Variants in CCDC138 observed in about 807,000 individuals in gnomAD.
CCDC138 encodes coiled-coil domain-containing protein 138.
A neutral mutation model predicts 82.3 loss-of-function variants in CCDC138; 66 were observed. The ratio of observed to expected loss-of-function variants is 0.80; its 90% confidence interval spans 0.66 to 0.98. The LOEUF is 0.98. Ranked by LOEUF, CCDC138 falls within the 50% of genes least tolerant of loss-of-function variation. CCDC138 has a pLI of 0.00. For synonymous variants in CCDC138, 297 were observed against 265.4 expected (o/e 1.12, Z -1.16); for missense variants, 816 against 758.9 (o/e 1.08, Z -0.88).
intron 11 of CCDC138, among the ~76,000 whole-genome samples, chr2:108,841,981 C>T (rs1241290943): frequency 6.6e-6 from 1 of 152,084 alleles, no homozygotes; most frequent in Non-Finnish European, 1.5e-5. Context: ...GAGTACCCCT[C>T]CAATGATTAG....
In CCDC138 at chr2:108,806,071, A is replaced by G. The variant is rs1190863763; in HGVS notation, c.855+1063A>G. On this transcript the variant is annotated intron_variant, in intron 7 of 14. Coordinates refer to ENST00000295124, the MANE Select transcript of CCDC138 (RefSeq NM_144978.3). ...CTGCTTTTGTTTCCCTTTAATCTCT[A>G]CTTGTTGTGATCCTCCTCCTTGGCA... 2.0e-5 allele frequency among the ~76,000 whole-genome samples: 3 copies of G among 151,918 alleles called. No individual in the cohort carries two copies. In the East Asian group the frequency reaches 5.8e-4, roughly 29 times the overall value.
chr2:108,833,889 G>A (rs181118912), intron 10 of CCDC138, among the ~76,000 whole-genome samples: 1,955 of 126,100 alleles, frequency 0.016, 53 homozygotes, highest in South Asian at 0.096. Context: ...TACCACGCCC[G>A]GCTAATTTTT....
intron 2 of CCDC138, chr2:108,884,076 A>G (rs1019325636): frequency 6.6e-6 from 1 of 152,202 alleles, no homozygotes; most frequent in African/African-American, 2.4e-5. Flanking sequence ...GCTAATTTTT[A>G]AAATATTTGT....
At chr2:108,872,216 C>T (rs185273263) in intron 13 of CCDC138, among the ~76,000 whole-genome samples, 241 of 152,002 alleles carry the variant, frequency 1.6e-3, no homozygotes, top group Admixed American at 4.0e-3. Flanking sequence ...ATTTTCTCTT[C>T]TTCCCTCCTT....
intron 13 of CCDC138, among the ~76,000 whole-genome samples, chr2:108,872,181 G>A (rs1402135539): frequency 1.3e-5 from 2 of 151,910 alleles, no homozygotes; most frequent in African/African-American, 2.4e-5. Flanking sequence ...TTGTTGCCTC[G>A]GAGAATTCAG....
In CCDC138 at chr2:108,794,599, G is replaced by A. The variant is rs1038190213; in HGVS notation, c.454G>A (p.Gly152Ser). The change falls in exon 5 of 15, where the codon GGT (glycine) becomes AGT (serine). Residue 152 changes from glycine (G) to serine (S), a missense_variant. Gly to Ser is a moderately conservative substitution (Grantham distance 56, BLOSUM62 0). Coordinates refer to ENST00000295124, the MANE Select transcript of CCDC138 (RefSeq NM_144978.3). ...TCGGACTGAGTGTTGTAGTGATGCAGGTGACTCTCCTTTGAAACCTGTCAG... is the reference window on the plus strand; with the variant it reads ...TCGGACTGAGTGTTGTAGTGATGCAAGTGACTCTCCTTTGAAACCTGTCAG... Reference protein sequence around the residue: ...RPRTECCSDAGDSPLKPVSCP... With the variant: ...RPRTECCSDASDSPLKPVSCP... The A allele has an allele frequency of 1.9e-6, 3 of 1,613,948 alleles. No homozygotes were observed. Among genetic ancestry groups the A allele is most frequent in the Non-Finnish European group, 2.5e-6 (3 of 1,180,004 alleles).
chr2:108,854,512 C>T (rs966010548), intron 12 of CCDC138, among the ~76,000 whole-genome samples: 4 of 152,124 alleles, frequency 2.6e-5, no homozygotes, highest in African/African-American at 9.7e-5. Flanking sequence ...GACATTATTA[C>T]TTATTATAAA....
At position 108,846,797 on chromosome 2, in the gene CCDC138, A is replaced by T. The variant is rs748063557; in HGVS notation, c.1383A>T (p.Val461=). The T allele has an allele frequency of 4.3e-6, 7 of 1,612,652 alleles. No homozygotes were observed. In the Admixed American group the frequency reaches 1.2e-4, roughly 27 times the overall value. Reference sequence around the variant, plus strand: ...GTGAAGACATTTTTAAAGGAGTGGTAACTAAAGGAATTCAGGATAATTCTC... The same window carrying T: ...GTGAAGACATTTTTAAAGGAGTGGTTACTAAAGGAATTCAGGATAATTCTC... ...RLGEDIFKGV[V]TKGIQDNSPQ... The change falls in exon 12 of 15, where the codon GTA becomes GTT. Residue 461 remains valine, a synonymous_variant. Coordinates refer to ENST00000295124, the MANE Select transcript of CCDC138 (RefSeq NM_144978.3).
downstream of CCDC138, among the ~76,000 whole-genome samples, chr2:108,881,450 G>C (rs969320771): frequency 6.6e-6 from 1 of 152,224 alleles, no homozygotes; most frequent in Admixed American, 6.5e-5. Context: ...TAAGGCTGCT[G>C]TGTTTTCTTA....
intron 11 of CCDC138, among the ~76,000 whole-genome samples, chr2:108,840,732 T>G (rs564614313): frequency 6.6e-6 from 1 of 152,288 alleles, no homozygotes; most frequent in South Asian, 2.1e-4. Context: ...TTGCTAGAAG[T>G]TTCTCTGTTT....
At chr2:108,815,914 A>G in intron 9 of CCDC138, 27 bp from the exon 10 acceptor site, 1 of 1,570,904 alleles carries the variant, frequency 6.4e-7, no homozygotes, top group Non-Finnish European at 8.6e-7. Context: ...GTGAACTGAA[A>G]TAAATGATTT....
At position 108,843,870 on chromosome 2, in the gene CCDC138, G is replaced by T. The variant is rs62153593; in HGVS notation, c.1324-2868G>T. On this transcript the variant is annotated intron_variant, in intron 11 of 14. Transcript: ENST00000295124. Reference sequence around the variant, plus strand: ...TGTGTGTGTGTGTGTGTGTGTGTGTGTGTGTGTGTTTCTTTCTTTTTTTTT... The same window carrying T: ...TGTGTGTGTGTGTGTGTGTGTGTGTTTGTGTGTGTTTCTTTCTTTTTTTTT... 2.5e-4 allele frequency among the ~76,000 whole-genome samples: 4 copies of T among 16,066 alleles called. 1 individual carries two copies. Among genetic ancestry groups the T allele is most frequent in the Admixed American group, 2.0e-3 (1 of 508 alleles). The allele number at this position is 16,066 out of a possible 152,430, so 10.5% of individuals were successfully genotyped here. A position where few individuals can be genotyped will look rare whatever the true frequency, so the allele number is the denominator to read the frequency against.
At chr2:108,789,032 A>C (rs1679457430) in intron 3 of CCDC138, 66 bp downstream of exon 3, 1 of 1,559,484 alleles carries the variant, frequency 6.4e-7, no homozygotes, top group Non-Finnish European at 8.8e-7. Flanking sequence ...GAAAGAGAAA[A>C]GGGCAGGTTA....
At chr2:108,856,093 C>CT (rs1463663408) in intron 12 of CCDC138, among the ~76,000 whole-genome samples, 1 of 152,174 alleles carries the variant, frequency 6.6e-6, no homozygotes, top group African/African-American at 2.4e-5. Flanking sequence ...TATCTTACTA[C>CT]TTCATTTGCA....
chr2:108,850,418 A>T (rs1172520459), intron 12 of CCDC138, among the ~76,000 whole-genome samples: 1 of 152,182 alleles, frequency 6.6e-6, no homozygotes, highest in Non-Finnish European at 1.5e-5. Context: ...TATAAGAATC[A>T]GCATATATAA....
chr2:108,826,898 G>C (rs543912755), intron 10 of CCDC138, among the ~76,000 whole-genome samples: 35 of 152,206 alleles, frequency 2.3e-4, no homozygotes, highest in Admixed American at 2.0e-3. Flanking sequence ...ATTTTATTTA[G>C]ATCTTTTTAA....
chr2:108,814,593 C>T (rs1684429815), intron 9 of CCDC138, among the ~76,000 whole-genome samples: 1 of 148,798 alleles, frequency 6.7e-6, no homozygotes, highest in South Asian at 2.2e-4. Context: ...CTTAATGTTG[C>T]CTATTTATTA....
chr2:108,797,353 C>T lies in CCDC138; in HGVS notation c.577-1075C>T, dbSNP rs1036363365. Among the ~76,000 whole-genome samples the T allele has an allele frequency of 7.2e-5, 11 of 151,976 alleles. No individual in the cohort carries two copies. The East Asian group carries it at 9.6e-4, about 13-fold the overall frequency. On this transcript the variant is annotated intron_variant, in intron 5 of 14. Coordinates refer to ENST00000295124, the MANE Select transcript of CCDC138 (RefSeq NM_144978.3). Reference sequence around the variant, plus strand: ...AGCATTTTAAGTTGGAGGAAAGAGACGGCAGTATAAAATGCTATTGAGAGA... The same window carrying T: ...AGCATTTTAAGTTGGAGGAAAGAGATGGCAGTATAAAATGCTATTGAGAGA...
At chr2:108,823,690 G>A (rs1263056476) in intron 10 of CCDC138, among the ~76,000 whole-genome samples, 2 of 152,142 alleles carry the variant, frequency 1.3e-5, no homozygotes, top group African/African-American at 4.8e-5. Context: ...ATAAAAAAGG[G>A]TGCACCTGGG....
Sources: allele counts gnomAD v4.1 joint callset (sites outside exome capture counted in the v4.1 genomes callset), GRCh38; gene constraint gnomAD v4.1.1; transcripts MANE v1.5; gene names NCBI Gene and HGNC (gene_info 2026-07-23, HGNC 2026-07-21).